Variants in CATSPERT observed in about 807,000 individuals in gnomAD.
CATSPERT encodes the protein cation channel sperm-associated targeting subunit tau.
the CATSPERT span, chr2:201,492,682 A>G: frequency 3.9e-6 from 6 of 1,534,602 alleles, no homozygotes; most frequent in African/African-American, 1.4e-5. Context: ...ATGTTTATCT[A>G]TGAAATGATG....
At chr2:201,552,509 T>C in the CATSPERT span, among the ~76,000 whole-genome samples, 13 of 152,232 alleles carry the variant, frequency 8.5e-5, no homozygotes, top group South Asian at 8.3e-4. Flanking sequence ...GAAAAATTCA[T>C]GAAGCCATTG....
At chr2:201,499,296 G>C in the CATSPERT span, among the ~76,000 whole-genome samples, 1 of 152,124 alleles carries the variant, frequency 6.6e-6, no homozygotes, top group Admixed American at 6.5e-5. Context: ...ATATTCAAGA[G>C]GATATTGAGT....
At chr2:201,618,528 G>C in the CATSPERT span, among the ~76,000 whole-genome samples, 95 of 145,698 alleles carry the variant, frequency 6.5e-4, no homozygotes, top group African/African-American at 2.3e-3. Flanking sequence ...CTTGGACACG[G>C]GGGGGGAACA....
chr2:201,608,533 T>C, the CATSPERT span, among the ~76,000 whole-genome samples: 4 of 152,086 alleles, frequency 2.6e-5, no homozygotes, highest in African/African-American at 7.2e-5. Flanking sequence ...ACAAAGAAAA[T>C]ACGCTGGACA....
the CATSPERT span, among the ~76,000 whole-genome samples, chr2:201,541,613 CAG>C: frequency 7.0e-6 from 1 of 142,270 alleles, no homozygotes; most frequent in Non-Finnish European, 1.5e-5. Context: ...ATATATATGA[CAG>C]AGTCTCATCT....
chr2:201,555,170 G>T, the CATSPERT span: 74 of 152,128 alleles, frequency 4.9e-4, no homozygotes, highest in African/African-American at 1.2e-3. Context: ...TAGTATCCCC[G>T]TGATGAATAA....
At chr2:201,564,965 C>T in the CATSPERT span, among the ~76,000 whole-genome samples, 2 of 151,316 alleles carry the variant, frequency 1.3e-5, no homozygotes, top group Admixed American at 1.3e-4. Flanking sequence ...ATTCCATAGT[C>T]GAGAAATAAA....
At chr2:201,610,846 C>G in the CATSPERT span, among the ~76,000 whole-genome samples, 1 of 152,106 alleles carries the variant, frequency 6.6e-6, no homozygotes, top group Non-Finnish European at 1.5e-5. Context: ...CATCAAACAT[C>G]ACATCAACAG....
the CATSPERT span, chr2:201,552,817 A>G: frequency 6.6e-6 from 1 of 152,144 alleles, no homozygotes; most frequent in African/African-American, 2.4e-5. Context: ...TGTAGCCCCA[A>G]TTCAAGCTTA....
At chr2:201,618,994 G>T in the CATSPERT span, 6 of 1,613,902 alleles carry the variant, frequency 3.7e-6, no homozygotes, top group African/African-American at 1.3e-5. Flanking sequence ...AGAAGCCTCC[G>T]ACCCTTTAAT....
chr2:201,502,988 T>C, the CATSPERT span, among the ~76,000 whole-genome samples: 1 of 152,036 alleles, frequency 6.6e-6, no homozygotes, highest in Non-Finnish European at 1.5e-5. Flanking sequence ...GCATCTAATA[T>C]GTTGTTAATC....
chr2:201,494,221 C>CT, the CATSPERT span: 2 of 1,536,190 alleles, frequency 1.3e-6, no homozygotes, highest in Non-Finnish European at 1.7e-6. Context: ...AAGTGGAGAA[C>CT]TACTTTTCTC....
At chr2:201,603,260 T>C in the CATSPERT span, 5 of 1,611,526 alleles carry the variant, frequency 3.1e-6, no homozygotes, top group Admixed American at 5.0e-5. Flanking sequence ...TTTATATGAA[T>C]GCCCAGGCAG....
chr2:201,616,309 T>C, the CATSPERT span, among the ~76,000 whole-genome samples: 9 of 152,210 alleles, frequency 5.9e-5, no homozygotes, highest in African/African-American at 2.2e-4. Flanking sequence ...AAATCCTCAA[T>C]GAAACACTGG....
chr2:201,582,529 A>C, the CATSPERT span, among the ~76,000 whole-genome samples: 5 of 152,282 alleles, frequency 3.3e-5, no homozygotes, highest in African/African-American at 1.2e-4. Flanking sequence ...ACACTACACA[A>C]AAGTTCACCC....
At chr2:201,582,560 C>T in the CATSPERT span, among the ~76,000 whole-genome samples, 1 of 152,142 alleles carries the variant, frequency 6.6e-6, no homozygotes, top group South Asian at 2.1e-4. Context: ...ATTGAAACTA[C>T]ACTATCAAAG....
chr2:201,598,060 C>G, the CATSPERT span, among the ~76,000 whole-genome samples: 1 of 151,960 alleles, frequency 6.6e-6, no homozygotes, highest in Non-Finnish European at 1.5e-5. Context: ...TTTCTTACTC[C>G]CGCCTGTATT....
chr2:201,573,759 C>T, the CATSPERT span, among the ~76,000 whole-genome samples: 22 of 152,172 alleles, frequency 1.4e-4, no homozygotes, highest in African/African-American at 5.1e-4. Flanking sequence ...CAGGTTCAAG[C>T]GATTCTCCTG....
the CATSPERT span, among the ~76,000 whole-genome samples, chr2:201,583,704 C>T: frequency 4.6e-5 from 7 of 152,122 alleles, no homozygotes; most frequent in African/African-American, 1.7e-4. Flanking sequence ...AGAAGTTCCA[C>T]AAATAATTTT....
Sources: gnomAD v4.1 joint callset for allele counts (sites outside exome capture counted in the v4.1 genomes callset) on GRCh38, gnomAD v4.1.1 for gene constraint, MANE v1.5 for transcripts, NCBI Gene and HGNC (gene_info 2026-07-23, HGNC 2026-07-21) for gene names.